Variants in QTGAL observed in about 807,000 individuals in gnomAD.
QTGAL encodes BGnT-like protein 1.
At chr17:83,018,206 CGG>C in the QTGAL span, among the ~76,000 whole-genome samples, 1 of 118,374 alleles carries the variant, frequency 8.4e-6, no homozygotes. Context: ...TCCACAAACA[CGG>C]CGTGCCTGTA....
the QTGAL span, among the ~76,000 whole-genome samples, chr17:82,984,968 A>G: frequency 6.6e-6 from 1 of 152,102 alleles, no homozygotes; most frequent in African/African-American, 2.4e-5. Flanking sequence ...TCGAGTTTCC[A>G]GAAGGGCCCA....
At chr17:82,984,059 T>A in the QTGAL span, among the ~76,000 whole-genome samples, 1 of 120,324 alleles carries the variant, frequency 8.3e-6, no homozygotes, top group East Asian at 2.6e-4. Context: ...AGAGAGGCCA[T>A]ATGATCACGC....
the QTGAL span, among the ~76,000 whole-genome samples, chr17:83,031,582 G>A: frequency 7.6e-4 from 116 of 152,308 alleles, no homozygotes; most frequent in Admixed American, 3.5e-3. Context: ...GGACAGTCAC[G>A]GGGGAGGCCT....
chr17:82,986,371 G>A, the QTGAL span, among the ~76,000 whole-genome samples: 1 of 152,234 alleles, frequency 6.6e-6, no homozygotes, highest in Non-Finnish European at 1.5e-5. Flanking sequence ...GCAATGCCAG[G>A]TGTGTTGGGA....
chr17:83,016,595 G>A, the QTGAL span, among the ~76,000 whole-genome samples: 5 of 146,614 alleles, frequency 3.4e-5, no homozygotes, highest in African/African-American at 1.3e-4. Context: ...AGGGAGAAGG[G>A]GAGAGGACTG....
At chr17:82,975,040 C>G in the QTGAL span, among the ~76,000 whole-genome samples, 5 of 99,194 alleles carry the variant, frequency 5.0e-5, 1 homozygote, top group Admixed American at 2.7e-4. Flanking sequence ...TATGGGGAAC[C>G]AGGGCCCCAG....
the QTGAL span, chr17:82,979,284 A>G: frequency 2.0e-5 from 3 of 152,362 alleles, no homozygotes; most frequent in East Asian, 5.8e-4. Flanking sequence ...GGATATTACT[A>G]CAGGCCTCAC....
the QTGAL span, among the ~76,000 whole-genome samples, chr17:82,983,499 C>T: frequency 6.6e-6 from 1 of 152,196 alleles, no homozygotes; most frequent in Non-Finnish European, 1.5e-5. Flanking sequence ...GTTAGAGACA[C>T]ACATTCCCAG....
chr17:83,031,597 C>T, the QTGAL span, among the ~76,000 whole-genome samples: 1 of 152,236 alleles, frequency 6.6e-6, no homozygotes, highest in East Asian at 1.9e-4. Flanking sequence ...AGGCCTTCCA[C>T]AGCCTTTCCA....
chr17:82,993,213 T>C, the QTGAL span, among the ~76,000 whole-genome samples: 1 of 152,120 alleles, frequency 6.6e-6, no homozygotes, highest in African/African-American at 2.4e-5. Context: ...CAATGATCTG[T>C]TGCCTACAAG....
At chr17:83,040,382 A>G in the QTGAL span, among the ~76,000 whole-genome samples, 1 of 152,180 alleles carries the variant, frequency 6.6e-6, no homozygotes, top group African/African-American at 2.4e-5. Context: ...ATTTTTTTCA[A>G]GTCTTATATG....
At chr17:82,949,669 CAGAA>C in the QTGAL span, 1 of 151,734 alleles carries the variant, frequency 6.6e-6, no homozygotes, top group African/African-American at 2.4e-5. Flanking sequence ...GTCAGGGAGA[CAGAA>C]AGGTCATGTC....
the QTGAL span, among the ~76,000 whole-genome samples, chr17:83,032,497 G>A: frequency 4.6e-5 from 5 of 107,832 alleles, 1 homozygote; most frequent in South Asian, 1.4e-3. Context: ...GACCGAACTC[G>A]GGAGCTGAAC....
the QTGAL span, among the ~76,000 whole-genome samples, chr17:82,989,388 C>A: frequency 6.6e-6 from 1 of 151,306 alleles, no homozygotes; most frequent in Non-Finnish European, 1.5e-5. Context: ...CTAATGCATG[C>A]AGGGCTTAAT....
chr17:82,973,662 C>T, the QTGAL span, among the ~76,000 whole-genome samples: 4 of 152,148 alleles, frequency 2.6e-5, no homozygotes, highest in Non-Finnish European at 5.9e-5. Flanking sequence ...CCGAAGCCTA[C>T]ACCGCGGGAA....
At chr17:82,965,766 A>T in the QTGAL span, 1 of 1,596,648 alleles carries the variant, frequency 6.3e-7, no homozygotes, top group Non-Finnish European at 8.5e-7. Context: ...ATTAACGTTG[A>T]CAGAGTTAGC....
the QTGAL span, among the ~76,000 whole-genome samples, chr17:83,046,959 G>A: frequency 3.2e-4 from 48 of 152,310 alleles, no homozygotes; most frequent in African/African-American, 1.1e-3. Flanking sequence ...AAATGAAGCC[G>A]GTTACAAAAG....
chr17:83,033,503 G>A, the QTGAL span, among the ~76,000 whole-genome samples: 182 of 145,938 alleles, frequency 1.2e-3, no homozygotes, highest in African/African-American at 4.4e-3. Flanking sequence ...ACAGAGTCCC[G>A]CTCTGTCGCC....
the QTGAL span, chr17:83,051,671 A>G: frequency 7.3e-7 from 1 of 1,362,732 alleles, no homozygotes; most frequent in Non-Finnish European, 9.6e-7. Flanking sequence ...AGAGGACTGG[A>G]GGGCGGGGTG....
Sources: gnomAD v4.1 joint callset for allele counts (sites outside exome capture counted in the v4.1 genomes callset) on GRCh38, gnomAD v4.1.1 for gene constraint, MANE v1.5 for transcripts, NCBI Gene and HGNC (gene_info 2026-07-23, HGNC 2026-07-21) for gene names.